Variants in AARS2 observed in about 807,000 individuals in gnomAD.
The protein encoded by AARS2 is alanyl-tRNA synthetase 2, mitochondrial.
In AARS2, 78 loss-of-function variants were observed where a neutral mutation model predicts 119.7. The observed-to-expected ratio is 0.65, with a 90% CI of 0.54 to 0.79. AARS2 has a LOEUF of 0.79. Among genes scored for constraint, AARS2 ranks in the 30% least tolerant of loss-of-function variants. AARS2 has a pLI of 0.00. For missense variants in AARS2, 1,157 were observed against 1,291.3 expected, an observed-to-expected ratio of 0.90 and a Z score of 1.59; for synonymous variants, 502 against 526.3, an observed-to-expected ratio of 0.95 and a Z score of 0.63.
In AARS2 at chr6:44,302,517, C is replaced by T. The variant is rs748580887; in HGVS notation, c.2365-4G>A. 3.1e-6 allele frequency: 5 copies of T among 1,613,906 alleles called. No individual in the cohort carries two copies. The African/African-American group carries it at 4.0e-5, about 13-fold the overall frequency. On this transcript the variant is annotated splice_region_variant and splice_polypyrimidine_tract_variant and intron_variant, in intron 17 of 21. Coordinates refer to ENST00000244571, the MANE Select transcript of AARS2 (RefSeq NM_020745.4). ...GGCTCTGGCCTAGCTCTCGGGCCTGCAGGGAGGGGACAGGAGGGTCAGGAT... is the reference window on the plus strand; with the variant it reads ...GGCTCTGGCCTAGCTCTCGGGCCTGTAGGGAGGGGACAGGAGGGTCAGGAT...
Position 44,310,346 on chromosome 6 carries a change from T to A in AARS2, c.847A>T (p.Thr283Ser). The stretch of plus-strand genomic sequence containing the variant: ...GGGGAAAAGAGGTCAGTGTCATAGG[T>A]GGAGTGTTTGCCTTGCAGCACAGCC... ...LVAVLQGKHS[T>S]YDTDLFSPLL... The change falls in exon 5 of 22, where the codon ACC becomes TCC. Residue 283 changes from threonine (T) to serine (S), a missense_variant. By Grantham distance (58) the Thr-to-Ser change is moderately conservative. Coordinates refer to ENST00000244571, the MANE Select transcript of AARS2 (RefSeq NM_020745.4). 6.2e-7 allele frequency: 1 copy of A among 1,613,002 alleles called. No homozygotes were observed. Among genetic ancestry groups the A allele is most frequent in the Non-Finnish European group, 8.5e-7 (1 of 1,179,568 alleles).
At position 44,302,451 on chromosome 6, in the gene AARS2, C is replaced by T; in HGVS notation, c.2427G>A (p.Leu809=). The T allele has an allele frequency of 6.2e-7, 1 of 1,614,166 alleles. No individual in the cohort carries two copies. The highest frequency in any genetic ancestry group is 1.1e-5 in the South Asian group (1 of 91,084). ...GTGCCTCCGCCACATCCCGGCTCCC[C>T]AGACTCAGCCGCTCAGTGGCCGCTT... ...EVKAATERLS[L]GSRDVAEALR... Residue 809 remains leucine (L), a synonymous_variant, in exon 18 of 22, where the codon CTG becomes CTA. Transcript: ENST00000244571.
intron 14 of AARS2, among the ~76,000 whole-genome samples, chr6:44,303,762 G>A (rs1390937848): frequency 6.6e-6 from 1 of 152,210 alleles, no homozygotes; most frequent in East Asian, 1.9e-4. Flanking sequence ...GGAATAAGCA[G>A]GTGGGATGGG....
At position 44,302,882 on chromosome 6, in the gene AARS2, C is replaced by G. The variant is rs947000855; in HGVS notation, c.2284G>C (p.Asp762His). The G allele has an allele frequency of 6.2e-7, 1 of 1,614,114 alleles. No homozygotes were observed. Among genetic ancestry groups the G allele is most frequent in the Non-Finnish European group, 8.5e-7 (1 of 1,180,016 alleles). ...THLLRTGAVG[D>H]LVIIGDRQLS... ...TGGCGGTCCCCGATGATAACCAGGT[C>G]CCCTACAGCCCCAGTACGTAACAGG... The change falls in exon 17 of 22, where the codon GAC (aspartate) becomes CAC (histidine). Residue 762 changes from aspartate (D) to histidine (H), a missense_variant. Coordinates refer to ENST00000244571, the MANE Select transcript of AARS2 (RefSeq NM_020745.4).
rs901939116 is a variant in AARS2, at chr6:44,311,157, G to A, written c.586C>T (p.Pro196Ser). 3.1e-6 allele frequency: 5 copies of A among 1,614,006 alleles called. No individual in the cohort carries two copies. The highest frequency in any genetic ancestry group is 3.4e-6 in the Non-Finnish European group (4 of 1,180,052). ...TRDIWLSLGVPASRVLSFGPQ... is the reference protein window; with the variant it reads ...TRDIWLSLGVSASRVLSFGPQ... ...CCAAAGGAAAGCACACGGCTAGCAG[G>A]CACCCTGGGGAGAAAAGCAGGTGAG... Residue 196 changes from proline (P) to serine (S), a missense_variant, in exon 4 of 22, where the codon CCT (proline) becomes TCT (serine). Pro to Ser is a moderately conservative substitution (Grantham distance 74). Coordinates refer to ENST00000244571, the MANE Select transcript of AARS2 (RefSeq NM_020745.4).
chr6:44,310,160 T>C, intron 5 of AARS2, 139 bp downstream of exon 5: 2 of 1,206,408 alleles, frequency 1.7e-6, no homozygotes, highest in South Asian at 1.3e-5. Context: ...AGTGTCTTGC[T>C]TGACGTCTTG....
rs1785659923 is a variant in AARS2 at position 44,304,525 on chromosome 6, C to G, written c.1761G>C (p.Leu587=). The G allele has an allele frequency of 6.2e-7, 1 of 1,614,156 alleles. No homozygotes were observed. Among genetic ancestry groups the G allele is most frequent in the East Asian group, 2.2e-5 (1 of 44,868 alleles). ...YLVRAGQEDV[L]FPVARAQVCG... ...AGACCTGGGCCCGGGCTACTGGGAA[C>G]AGCACGTCCTGAGGGAGGGTAGTGG... The change falls in exon 13 of 22, where the codon CTG becomes CTC. Residue 587 remains leucine (L), a synonymous_variant. Transcript: ENST00000244571.
intron 11 of AARS2, 48 bp from the exon 12 acceptor site, chr6:44,304,865 G>C (rs76002081): frequency 3.7e-6 from 6 of 1,612,880 alleles, no homozygotes; most frequent in Admixed American, 1.7e-5. Context: ...GGCTGGGGAC[G>C]TGAAGGTGGG....
chr6:44,309,740 A>C (rs1177703174), intron 5 of AARS2, among the ~76,000 whole-genome samples: 1 of 151,928 alleles, frequency 6.6e-6, no homozygotes, highest in Non-Finnish European at 1.5e-5. Flanking sequence ...CTCCCCATCT[A>C]ATCCATCAGT....
Position 44,299,206 on chromosome 6 carries a change from A to G in AARS2, c.*1341T>C, listed in dbSNP as rs1474149332. Among the ~76,000 whole-genome samples, 1 of 151,794 alleles carries G rather than the reference A, an allele frequency of 6.6e-6. No individual in the cohort carries two copies. The highest frequency in any genetic ancestry group is 1.5e-5 in the Non-Finnish European group (1 of 67,964). ...GGGAATATCACCATCCACACTCCTG[A>G]TCCCCATTCTCTATTTCCCCCCCAG... On this transcript the variant is annotated 3_prime_UTR_variant, in exon 22 of 22. Transcript: ENST00000244571.
At position 44,305,016 on chromosome 6, in the gene AARS2, G is replaced by A; in HGVS notation, c.1579+38C>T. 6.2e-7 allele frequency: 1 copy of A among 1,614,088 alleles called. No individual in the cohort carries two copies. The highest frequency in any genetic ancestry group is 8.5e-7 in the Non-Finnish European group (1 of 1,179,980). On this transcript the variant is annotated intron_variant, in intron 11 of 21. Coordinates refer to ENST00000244571, the MANE Select transcript of AARS2 (RefSeq NM_020745.4). This position sits in a 1 kb window ranked among gnomAD's most constrained non-coding sequence, Gnocchi z 4.6. ...GGACATTCTTCTTAGTCATGGTCAG[G>A]CAAGCTTGTGGCGGCAGGCCTTGGT... is the stretch of plus-strand genomic sequence containing the variant.
At chr6:44,310,273 G>A (rs559207374) in intron 5 of AARS2, 26 bp downstream of exon 5, 4 of 1,572,912 alleles carry the variant, frequency 2.5e-6, no homozygotes. Flanking sequence ...AGGTTAGAGG[G>A]CTTCTGGAAG....
rs757866075 is a variant in AARS2, at chr6:44,312,163, T to A, written c.344A>T (p.His115Leu). The A allele has an allele frequency of 2.5e-6, 4 of 1,614,270 alleles. No homozygotes were observed. In the Admixed American group the frequency reaches 6.7e-5, roughly 27 times the overall value. ...TCGACCCACATCTTCCAGGTCGTTA[T>A]GGTGTCCTCCAGCTCTCACACATTT... ...SQKCVRAGGHHNDLEDVGRDL... is the reference protein window; with the variant it reads ...SQKCVRAGGHLNDLEDVGRDL... Residue 115 changes from histidine (H) to leucine (L), a missense_variant, in exon 2 of 22, where the codon CAT becomes CTT. Coordinates refer to ENST00000244571, the MANE Select transcript of AARS2 (RefSeq NM_020745.4).
rs1400526408 is a variant in AARS2, at chr6:44,304,692, C to A, written c.1705G>T (p.Gly569Trp). The change falls in exon 12 of 22, where the codon GGG becomes TGG. Residue 569 changes from glycine (G) to tryptophan (W), a missense_variant. Gly to Trp is a radical substitution (Grantham distance 184). Coordinates refer to ENST00000244571, the MANE Select transcript of AARS2 (RefSeq NM_020745.4). The part of the protein sequence containing the change: ...LDRTNFYAEQ[G>W]GQASDRGYLV... ...TAGCCACGGTCTGAAGCCTGGCCCC[C>A]CTGTTCTGCGTAGAAGTTGGTCCTG... 9.9e-6 allele frequency: 16 copies of A among 1,614,244 alleles called. No homozygotes were observed. Among genetic ancestry groups the A allele is most frequent in the Middle Eastern group, 1.7e-4 (1 of 6,060 alleles).
intron 20 of AARS2, 26 bp downstream of exon 20, chr6:44,301,355 G>A (rs1177949317): frequency 6.8e-6 from 11 of 1,613,784 alleles, no homozygotes; most frequent in Admixed American, 5.0e-5. Flanking sequence ...CAGACCCTGG[G>A]GCAGCCCGGC....
intron 16 of AARS2, 43 bp downstream of exon 16, chr6:44,303,023 G>A: frequency 1.9e-6 from 3 of 1,610,460 alleles, no homozygotes; most frequent in Non-Finnish European, 2.5e-6. Flanking sequence ...GAAGGGCAAG[G>A]ATCCGGGGCC....
In AARS2 at chr6:44,300,396, C is replaced by T; in HGVS notation, c.*151G>A. 4 of 1,103,948 alleles carry T rather than the reference C, an allele frequency of 3.6e-6. No homozygotes were observed. In the South Asian group the frequency reaches 5.3e-5, roughly 15 times the overall value. 68.4% of individuals were successfully genotyped at this position (1,103,948 alleles called of 1,614,324 possible). A position where few individuals can be genotyped will look rare whatever the true frequency, so the allele number is the denominator to read the frequency against. Reference sequence around the variant, plus strand: ...TTCCCTAGCCCATGTCTCCTTGTGTCACGTAGGCCCTGGCCCAGGTGATCT... The same window carrying T: ...TTCCCTAGCCCATGTCTCCTTGTGTTACGTAGGCCCTGGCCCAGGTGATCT... On this transcript the variant is annotated 3_prime_UTR_variant, in exon 22 of 22. Coordinates refer to ENST00000244571, the MANE Select transcript of AARS2 (RefSeq NM_020745.4).
Position 44,307,144 on chromosome 6 carries a change from C to A in AARS2, c.1040+105G>T. 6.3e-7 allele frequency: 1 copy of A among 1,593,292 alleles called. No homozygotes were observed. Among genetic ancestry groups the A allele is most frequent in the East Asian group, 2.3e-5 (1 of 44,050 alleles). On this transcript the variant is annotated intron_variant, in intron 6 of 21. Transcript: ENST00000244571. This position sits in a 1 kb window ranked among gnomAD's most constrained non-coding sequence, Gnocchi z 4.4. Reference sequence around the variant, plus strand: ...TCCCACCTCAAAGCTCTCCCTCTCCCCATTCCTCCTACTGGCTCAACCAGA... The same window carrying A: ...TCCCACCTCAAAGCTCTCCCTCTCCACATTCCTCCTACTGGCTCAACCAGA...
chr6:44,306,068 G>A (rs555961117), intron 9 of AARS2, among the ~76,000 whole-genome samples: 1 of 152,316 alleles, frequency 6.6e-6, no homozygotes, highest in East Asian at 1.9e-4. Flanking sequence ...GCAGGAGGCA[G>A]GGCTAGCTGG....
Sources: allele counts gnomAD v4.1 joint callset (sites outside exome capture counted in the v4.1 genomes callset), GRCh38; gene constraint gnomAD v4.1.1; non-coding constraint Gnocchi (gnomAD v3.1); transcripts MANE v1.5; gene names NCBI Gene and HGNC (gene_info 2026-07-23, HGNC 2026-07-21).